Variants in SH3KBP1 observed in about 807,000 individuals in gnomAD.
SH3KBP1 encodes the protein SH3 domain-containing kinase-binding protein 1.
Under a neutral mutation model 50.1 loss-of-function variants are expected in SH3KBP1, and 8 were observed. That is an observed-to-expected ratio of 0.16 (90% CI 0.09 to 0.29). The LOEUF (loss-of-function observed/expected upper bound fraction) is 0.29, where lower values mean the gene tolerates loss of function less well. SH3KBP1 is among the 10% of genes least tolerant of loss of function. The pLI, the probability that SH3KBP1 is intolerant of heterozygous loss-of-function variation, is 1.00. For missense variants in SH3KBP1, 377 were observed against 535.2 expected (o/e 0.70, Z 2.92); for synonymous variants, 227 against 218.6 (o/e 1.04, Z -0.34).
intron 2 of SH3KBP1, among the ~76,000 whole-genome samples, chrX:19,831,566 C>T (rs781382204): frequency 2.8e-5 from 3 of 108,296 alleles, no homozygotes; most frequent in South Asian, 8.1e-4. Context: ...CCGAGGCAGA[C>T]GGATCACCTG....
chrX:19,869,795 T>C (rs1311300322), intron 1 of SH3KBP1, among the ~76,000 whole-genome samples: 1 of 112,745 alleles, frequency 8.9e-6, no homozygotes, highest in African/African-American at 3.2e-5. Flanking sequence ...ATATGTTATC[T>C]TCTTCATTCA....
At chrX:19,885,490 T>C (rs1415726025) in intron 1 of SH3KBP1, among the ~76,000 whole-genome samples, 1 of 111,879 alleles carries the variant, frequency 8.9e-6, no homozygotes, top group African/African-American at 3.2e-5. Context: ...ACAAAAGGAC[T>C]AAAAACTACA....
chrX:19,872,043 G>T lies in SH3KBP1; in HGVS notation c.4+15264C>A, dbSNP rs761351093. 2.3e-3 allele frequency among the ~76,000 whole-genome samples: 255 copies of T among 109,219 alleles called. 1 individual carries two copies. The highest frequency in any genetic ancestry group is 4.1e-3 in the Non-Finnish European group (217 of 52,527). 94.8% of individuals were successfully genotyped at this position (109,219 alleles called of 115,157 possible). On this transcript the variant is annotated intron_variant, in intron 1 of 17. Transcript: ENST00000397821. ...GAGGTGGGTGGATCCCCTGAGGTCA[G>T]GAGTTCGAGACCATCCTGGCCAATA...
chrX:19,858,489 G>A (rs1421855996), intron 1 of SH3KBP1, among the ~76,000 whole-genome samples: 1 of 111,338 alleles, frequency 9.0e-6, no homozygotes, highest in Non-Finnish European at 1.9e-5. Flanking sequence ...TTGGCTAGGT[G>A]TGGTGGTACA....
chrX:19,705,187 C>T (rs777761011), intron 4 of SH3KBP1, among the ~76,000 whole-genome samples: 4 of 111,783 alleles, frequency 3.6e-5, no homozygotes, highest in African/African-American at 9.8e-5. Flanking sequence ...CTTTTTTCTC[C>T]GTCTGGGATC....
chrX:19,858,292 A>G (rs979735311), intron 1 of SH3KBP1, among the ~76,000 whole-genome samples: 1 of 111,953 alleles, frequency 8.9e-6, no homozygotes, highest in African/African-American at 3.2e-5. Context: ...TAAAGCTAAA[A>G]GAAAATCATA....
intron 13 of SH3KBP1, among the ~76,000 whole-genome samples, chrX:19,560,844 G>C (rs1172277445): frequency 9.0e-6 from 1 of 110,686 alleles, no homozygotes; most frequent in African/African-American, 3.3e-5. Flanking sequence ...TGGGAAGCGA[G>C]GTGGGAGGAT....
At chrX:19,794,397 G>A (rs913673952) in intron 2 of SH3KBP1, among the ~76,000 whole-genome samples, 5 of 108,302 alleles carry the variant, frequency 4.6e-5, no homozygotes, top group Admixed American at 9.8e-5. Context: ...GTGAGATCCC[G>A]TCTCAATAAA....
intron 4 of SH3KBP1, among the ~76,000 whole-genome samples, chrX:19,703,695 A>AGTGT (rs2063577743): frequency 2.8e-5 from 2 of 70,391 alleles, no homozygotes; most frequent in Non-Finnish European, 5.5e-5. Context: ...AAAAAGAGAA[A>AGTGT]CTGTGTGTGT....
chrX:19,761,611 C>A (rs1170978137), intron 2 of SH3KBP1, among the ~76,000 whole-genome samples: 1 of 111,140 alleles, frequency 9.0e-6, no homozygotes, highest in Non-Finnish European at 1.9e-5. Context: ...TATCTAGAAT[C>A]GACAAACCAA....
chrX:19,882,679 C>T (rs1049611560), intron 1 of SH3KBP1, among the ~76,000 whole-genome samples: 4 of 111,760 alleles, frequency 3.6e-5, no homozygotes, highest in Admixed American at 1.9e-4. Flanking sequence ...CAATCAGAAA[C>T]GAATACAGGT....
chrX:19,756,429 G>A (rs959249072), intron 2 of SH3KBP1, among the ~76,000 whole-genome samples: 2 of 110,637 alleles, frequency 1.8e-5, no homozygotes, highest in Non-Finnish European at 3.8e-5. Context: ...AGGGAGGGAT[G>A]TACCTAATTT....
intron 10 of SH3KBP1, among the ~76,000 whole-genome samples, chrX:19,593,841 C>T (rs771957326): frequency 3.6e-5 from 4 of 112,157 alleles, no homozygotes; most frequent in Non-Finnish European, 7.5e-5. Context: ...AAATAAATAG[C>T]TTGCTTCAAT....
chrX:19,880,519 C>G (rs951140240), intron 1 of SH3KBP1, among the ~76,000 whole-genome samples: 2 of 112,399 alleles, frequency 1.8e-5, no homozygotes, highest in Admixed American at 1.9e-4. Context: ...CTTTATACAC[C>G]TGCTATGGAC....
At chrX:19,857,270 T>A (rs1349314653) in intron 1 of SH3KBP1, among the ~76,000 whole-genome samples, 1 of 110,173 alleles carries the variant, frequency 9.1e-6, no homozygotes, top group East Asian at 2.8e-4. Flanking sequence ...AGTATAACTA[T>A]AAATATGTGT....
chrX:19,811,755 G>A (rs986295477), intron 2 of SH3KBP1, among the ~76,000 whole-genome samples: 3 of 111,721 alleles, frequency 2.7e-5, no homozygotes, highest in Non-Finnish European at 3.8e-5. Flanking sequence ...CCATGGCTTC[G>A]TTTGACAGCC....
At chrX:19,574,718 G>T (rs987436266) in intron 12 of SH3KBP1, among the ~76,000 whole-genome samples, 1 of 112,356 alleles carries the variant, frequency 8.9e-6, no homozygotes, top group Non-Finnish European at 1.9e-5. Flanking sequence ...TGTGGGAGGG[G>T]GAGGTATAAA....
intron 2 of SH3KBP1, among the ~76,000 whole-genome samples, chrX:19,774,513 T>A (rs1279733667): frequency 1.5e-4 from 16 of 108,589 alleles, no homozygotes; most frequent in Non-Finnish European, 2.1e-4. Flanking sequence ...CTACTAAAAA[T>A]ACAAAAAATT....
intron 8 of SH3KBP1, among the ~76,000 whole-genome samples, chrX:19,614,907 C>T (rs371693963): frequency 2.0e-4 from 22 of 111,627 alleles, no homozygotes; most frequent in East Asian, 8.4e-4. Context: ...CCGTAGTGCC[C>T]GGAACATGTC....
Sources: gnomAD v4.1 joint callset for allele counts (sites outside exome capture counted in the v4.1 genomes callset) on GRCh38, gnomAD v4.1.1 for gene constraint, MANE v1.5 for transcripts, NCBI Gene and HGNC (gene_info 2026-07-23, HGNC 2026-07-21) for gene names.